Variants in MDGA2 observed in about 807,000 individuals in gnomAD.
The protein encoded by MDGA2 is MAM domain containing glycosylphosphatidylinositol anchor 2.
In MDGA2, 40 loss-of-function variants were observed where a neutral mutation model predicts 117.8. The observed-to-expected ratio is 0.34, with a 90% CI of 0.26 to 0.44. MDGA2 has a LOEUF of 0.44. Ranked by LOEUF, MDGA2 falls within the 20% of genes least tolerant of loss-of-function variation. The pLI is 1.00. For synonymous variants in MDGA2, 452 were observed against 439.0 expected, an observed-to-expected ratio of 1.03 and a Z score of -0.37; for missense variants, 1,123 against 1,250.6, an observed-to-expected ratio of 0.90 and a Z score of 1.54.
intron 6 of MDGA2, among the ~76,000 whole-genome samples, chr14:47,084,836 C>A (rs1269457560): frequency 6.6e-6 from 1 of 152,154 alleles, no homozygotes; most frequent in Non-Finnish European, 1.5e-5. Flanking sequence ...ACCATGCCAA[C>A]ACACTGATCT....
intron 2 of MDGA2, among the ~76,000 whole-genome samples, chr14:47,265,200 C>T (rs148418899): frequency 3.9e-5 from 6 of 152,174 alleles, no homozygotes; most frequent in East Asian, 3.9e-4. Context: ...CATATGGATT[C>T]AGTAGACATA....
chr14:47,435,030 G>A (rs1892869975), intron 1 of MDGA2, among the ~76,000 whole-genome samples: 1 of 152,066 alleles, frequency 6.6e-6, no homozygotes, highest in Non-Finnish European at 1.5e-5. Flanking sequence ...CAGCTACTCA[G>A]GAGGCTGAGG....
At chr14:47,185,111 A>G (rs1361968234) in intron 3 of MDGA2, among the ~76,000 whole-genome samples, 1 of 151,118 alleles carries the variant, frequency 6.6e-6, no homozygotes, top group Non-Finnish European at 1.5e-5. Context: ...AGACATACAT[A>G]AAATATGTTA....
chr14:46,981,093 CTCCTT>C (rs1886651318), intron 8 of MDGA2, among the ~76,000 whole-genome samples: 1 of 152,000 alleles, frequency 6.6e-6, no homozygotes, highest in African/African-American at 2.4e-5. Flanking sequence ...AGATTGAAGA[CTCCTT>C]TCAAGAGACT....
At chr14:47,114,058 G>A (rs1476416841) in intron 5 of MDGA2, among the ~76,000 whole-genome samples, 1 of 152,110 alleles carries the variant, frequency 6.6e-6, no homozygotes, top group Non-Finnish European at 1.5e-5. Flanking sequence ...CTTCAGCAAA[G>A]TCTCAGGATA....
At chr14:47,383,993 A>AT (rs1393198762) in intron 1 of MDGA2, among the ~76,000 whole-genome samples, 1 of 113,674 alleles carries the variant, frequency 8.8e-6, no homozygotes, top group Non-Finnish European at 1.9e-5. Flanking sequence ...TGATAGATAG[A>AT]TAGATAGATA....
intron 2 of MDGA2, among the ~76,000 whole-genome samples, chr14:47,278,284 A>G (rs1044114744): frequency 2.0e-5 from 3 of 152,100 alleles, no homozygotes; most frequent in Non-Finnish European, 4.4e-5. Context: ...ATTTTTTTCA[A>G]TTTTATTTTT....
chr14:47,198,722 T>C (rs552758620), intron 3 of MDGA2, among the ~76,000 whole-genome samples: 1 of 152,330 alleles, frequency 6.6e-6, no homozygotes, highest in African/African-American at 2.4e-5. Context: ...TTTATAAGTC[T>C]TTTATTTTAA....
At chr14:47,374,551 C>CT (rs1267886366) in intron 1 of MDGA2, among the ~76,000 whole-genome samples, 2 of 152,030 alleles carry the variant, frequency 1.3e-5, no homozygotes, top group African/African-American at 2.4e-5. Context: ...GCATGAATAT[C>CT]TTTTTTTCAG....
chr14:47,221,999 A>G (rs981413123), intron 2 of MDGA2, among the ~76,000 whole-genome samples: 3 of 152,004 alleles, frequency 2.0e-5, no homozygotes, highest in African/African-American at 7.2e-5. Context: ...AAACCAGTTA[A>G]CAGTACATTA....
chr14:47,107,883 C>T lies in MDGA2; in HGVS notation c.926-10760G>A, dbSNP rs199771105. Among the ~76,000 whole-genome samples, 13 of 151,690 alleles carry T rather than the reference C, an allele frequency of 8.6e-5. No individual in the cohort carries two copies. The East Asian group carries it at 1.9e-3, about 23-fold the overall frequency. ...AGAGGCCCTCAAAATAAGTAGAGGC[C>T]TTTCCTACAGGGTCTGAGAAGGCCA... is the stretch of plus-strand genomic sequence containing the variant. On this transcript the variant is annotated intron_variant, in intron 5 of 16. Coordinates refer to ENST00000399232, the MANE Select transcript of MDGA2 (RefSeq NM_001113498.3).
rs1312012136 is a variant in MDGA2 at position 47,423,565 on chromosome 14, T to TGC, written c.281-122016_281-122015insGC. Among the ~76,000 whole-genome samples, 237 of 152,042 alleles carry TGC rather than the reference T, an allele frequency of 1.6e-3. 2 individuals are homozygous for TGC. The highest frequency in any genetic ancestry group is 1.6e-3 in the Non-Finnish European group (107 of 67,948). On this transcript the variant is annotated intron_variant, in intron 1 of 16. Coordinates refer to ENST00000399232, the MANE Select transcript of MDGA2 (RefSeq NM_001113498.3). ...TCCCCTATCCCCACGCCTGTGTGTG[T>TGC]GTGTGTGTACTCTTTAATTTCAATA... is the stretch of plus-strand genomic sequence containing the variant.
At chr14:47,126,414 G>C (rs746439017) in intron 5 of MDGA2, among the ~76,000 whole-genome samples, 24 of 152,060 alleles carry the variant, frequency 1.6e-4, no homozygotes, top group Non-Finnish European at 2.8e-4. Flanking sequence ...AGCTAGATTA[G>C]GTGTGATACA....
chr14:47,277,331 G>C (rs995191906), intron 2 of MDGA2, among the ~76,000 whole-genome samples: 1 of 152,188 alleles, frequency 6.6e-6, no homozygotes, highest in African/African-American at 2.4e-5. Flanking sequence ...TGGATAAACA[G>C]TGAACAAGAC....
intron 1 of MDGA2, among the ~76,000 whole-genome samples, chr14:47,558,383 A>T (rs936718151): frequency 6.6e-6 from 1 of 152,218 alleles, no homozygotes; most frequent in Admixed American, 6.5e-5. Flanking sequence ...GGAGGAAGTT[A>T]TATTTTCAAT....
At chr14:47,134,981 AC>A (rs1391326245) in intron 4 of MDGA2, among the ~76,000 whole-genome samples, 2 of 152,092 alleles carry the variant, frequency 1.3e-5, no homozygotes, top group East Asian at 3.9e-4. Context: ...AGTTAATTAT[AC>A]TCTGTCAGTC....
intron 2 of MDGA2, among the ~76,000 whole-genome samples, chr14:47,219,018 TACTC>T (rs1360134863): frequency 2.0e-5 from 3 of 152,080 alleles, no homozygotes; most frequent in Non-Finnish European, 2.9e-5. Flanking sequence ...AAAAGCCACA[TACTC>T]ATACTGTAAA....
chr14:46,880,009 C>G (rs1205957765), intron 11 of MDGA2, among the ~76,000 whole-genome samples: 1 of 152,040 alleles, frequency 6.6e-6, no homozygotes, highest in Non-Finnish European at 1.5e-5. Context: ...CTTTTTAACT[C>G]AGGCTCTGAT....
chr14:46,913,067 T>C (rs958001383), intron 10 of MDGA2, among the ~76,000 whole-genome samples: 8 of 152,116 alleles, frequency 5.3e-5, no homozygotes, highest in African/African-American at 1.2e-4. Context: ...ACTAAAGAAA[T>C]TGAAGTGAAT....
Sources: allele counts gnomAD v4.1 joint callset (sites outside exome capture counted in the v4.1 genomes callset), GRCh38; gene constraint gnomAD v4.1.1; transcripts MANE v1.5; gene names NCBI Gene and HGNC (gene_info 2026-07-23, HGNC 2026-07-21).